The following PSME4 variants were observed in gnomAD, a reference collection of about 807,000 sequenced individuals.
PSME4 encodes the protein proteasome activator subunit 4.
Under a neutral mutation model 253.9 loss-of-function variants are expected in PSME4, and 89 were observed. That is an observed-to-expected ratio of 0.35 (90% confidence interval 0.30 to 0.42). The LOEUF (loss-of-function observed/expected upper bound fraction) is 0.42. Among genes scored for constraint, PSME4 ranks in the 10% least tolerant of loss-of-function variants. PSME4 has a pLI of 1.00. For missense variants in PSME4, 2,014 were observed against 2,195.2 expected, an observed-to-expected ratio of 0.92 and a Z score of 1.65; for synonymous variants, 851 against 759.2, an observed-to-expected ratio of 1.12 and a Z score of -1.99.
chr2:53,953,138 G>C (rs935639163), intron 1 of PSME4, among the ~76,000 whole-genome samples: 2 of 152,150 alleles, frequency 1.3e-5, no homozygotes, highest in Non-Finnish European at 2.9e-5. Context: ...CAACCAGCAA[G>C]TGGTTCTTAT....
At chr2:53,927,640 G>A (rs1319745527) in intron 11 of PSME4, among the ~76,000 whole-genome samples, 157 bp from the exon 12 acceptor site, 2 of 152,170 alleles carry the variant, frequency 1.3e-5, no homozygotes, top group African/African-American at 4.8e-5. Flanking sequence ...AACACTGTAA[G>A]GTTCTTCATA....
At chr2:53,961,906 C>A (rs1046118576) in intron 1 of PSME4, among the ~76,000 whole-genome samples, 1 of 152,174 alleles carries the variant, frequency 6.6e-6, no homozygotes, top group Non-Finnish European at 1.5e-5. Flanking sequence ...CTTGCTAGAA[C>A]GGGACCTCAC....
intron 19 of PSME4, 142 bp downstream of exon 19, chr2:53,920,051 T>C: frequency 4.0e-6 from 3 of 758,118 alleles, no homozygotes; most frequent in African/African-American, 1.7e-5. Context: ...TACAACATTA[T>C]ATTAAATGAT....
intron 10 of PSME4, among the ~76,000 whole-genome samples, chr2:53,930,869 T>C (rs1558694927): frequency 6.6e-6 from 1 of 152,206 alleles, no homozygotes; most frequent in South Asian, 2.1e-4. Flanking sequence ...CTCCTCTATA[T>C]TTGACAAAAA....
At position 53,921,113 on chromosome 2, in the gene PSME4, A is replaced by C; in HGVS notation, c.2047-9T>G. 6.2e-7 allele frequency: 1 copy of C among 1,612,842 alleles called. No individual in the cohort carries two copies. The highest frequency in any genetic ancestry group is 8.5e-7 in the Non-Finnish European group (1 of 1,179,842). On this transcript the variant is annotated splice_polypyrimidine_tract_variant and intron_variant, in intron 17 of 46. Coordinates refer to ENST00000404125, the MANE Select transcript of PSME4 (RefSeq NM_014614.3). ...CCATCCACTCGAGTAATCTAAAAGG[A>C]GGGAAAAAATAGTTGAAGATATTTT...
intron 25 of PSME4, 51 bp from the exon 26 acceptor site, chr2:53,906,744 C>G (rs769746601): frequency 6.3e-7 from 1 of 1,599,296 alleles, no homozygotes; most frequent in Non-Finnish European, 8.5e-7. Context: ...GAAAACAAAA[C>G]TAAATACTCA....
rs1302204362 is a variant in PSME4, at chr2:53,929,467, A to AT, written c.1317-1165dup. On this transcript the variant is annotated intron_variant, in intron 10 of 46. Coordinates refer to ENST00000404125, the MANE Select transcript of PSME4 (RefSeq NM_014614.3). ...GTTACCACTCCCGGCTAACTTTTGT[A>AT]TTTTTTTTGTAGTGACAGAGTTTTG... Among the ~76,000 whole-genome samples the AT allele has an allele frequency of 3.3e-5, 5 of 151,650 alleles. No homozygotes were observed. In the South Asian group the frequency reaches 6.2e-4, roughly 19 times the overall value.
chr2:53,896,826 C>T lies in PSME4; in HGVS notation c.3666G>A (p.Leu1222=). The change falls in exon 32 of 47, where the codon CTG becomes CTA. Residue 1222 remains leucine (L), a synonymous_variant. Coordinates refer to ENST00000404125, the MANE Select transcript of PSME4 (RefSeq NM_014614.3). ...CACTGATTTCACAGGGGTTAATGGT[C>T]AGCTTTTTGTGGGTTCTTTTTAGCT... ...LKQLKRTHKK[L]TINPCEISGC... is the part of the protein sequence containing the mutation. 3.1e-6 allele frequency: 5 copies of T among 1,610,436 alleles called. No individual in the cohort carries two copies. The highest frequency in any genetic ancestry group is 4.2e-6 in the Non-Finnish European group (5 of 1,176,708).
chr2:53,966,411 G>A (rs1247361474), intron 1 of PSME4, among the ~76,000 whole-genome samples: 6 of 152,086 alleles, frequency 3.9e-5, no homozygotes, highest in South Asian at 4.2e-4. Flanking sequence ...CCCATAATCC[G>A]AACACTTTGG....
At chr2:53,903,080 T>C (rs756244974) in intron 27 of PSME4, among the ~76,000 whole-genome samples, 6 of 152,000 alleles carry the variant, frequency 3.9e-5, no homozygotes, top group Non-Finnish European at 8.8e-5. Context: ...TCTAAAGGAG[T>C]TTCTCAACAT....
chr2:53,961,311 A>T (rs1383476333), intron 1 of PSME4, among the ~76,000 whole-genome samples: 1 of 152,182 alleles, frequency 6.6e-6, no homozygotes, highest in East Asian at 1.9e-4. Context: ...ATAGAATGAG[A>T]TTTTGATCTA....
intron 5 of PSME4, 79 bp from the exon 6 acceptor site, chr2:53,936,906 A>C (rs866262428): frequency 2.1e-6 from 2 of 968,580 alleles, no homozygotes; most frequent in South Asian, 3.2e-5. Context: ...TCTTTTTTAT[A>C]ATCTATTATT....
chr2:53,953,683 T>C (rs945690390), intron 1 of PSME4, among the ~76,000 whole-genome samples: 2 of 151,952 alleles, frequency 1.3e-5, no homozygotes, highest in African/African-American at 4.8e-5. Flanking sequence ...TTTAGACTAC[T>C]CTGGTTTGAC....
At chr2:53,866,688 T>C in intron 45 of PSME4, 59 bp downstream of exon 45, 1 of 1,535,598 alleles carries the variant, frequency 6.5e-7, no homozygotes, top group Non-Finnish European at 8.9e-7. Context: ...ATTATTATTA[T>C]GGTTTCTTAG....
At chr2:53,952,608 G>A (rs1037149923) in intron 1 of PSME4, among the ~76,000 whole-genome samples, 1 of 152,132 alleles carries the variant, frequency 6.6e-6, no homozygotes, top group African/African-American at 2.4e-5. Context: ...CTGTGGTTAG[G>A]ATACTTCTGC....
intron 43 of PSME4, among the ~76,000 whole-genome samples, chr2:53,871,719 C>T (rs952688493): frequency 7.9e-5 from 12 of 151,748 alleles, no homozygotes; most frequent in African/African-American, 2.2e-4. Flanking sequence ...TTTTTAAAGC[C>T]GGAGGTGGTG....
intron 41 of PSME4, among the ~76,000 whole-genome samples, chr2:53,883,048 CAT>C (rs1413555793): frequency 6.6e-6 from 1 of 151,980 alleles, no homozygotes; most frequent in Non-Finnish European, 1.5e-5. Context: ...AAAAAAGATA[CAT>C]ATAAGAAAGG....
chr2:53,901,268 G>C, intron 28 of PSME4, 82 bp downstream of exon 28: 1 of 1,288,730 alleles, frequency 7.8e-7, no homozygotes, highest in Non-Finnish European at 1.1e-6. Context: ...ATTATTACTG[G>C]AAAAAGGGCA....
Position 53,892,884 on chromosome 2 carries a change from T to G in PSME4, c.4115A>C (p.His1372Pro). ...PHLEHLVADSHESTQRCVAEI... is the reference protein window; with the variant it reads ...PHLEHLVADSPESTQRCVAEI... ...TGCAACACATCGCTGGGTGCTTTCA[T>G]GTGAATCTGCAACCAAATGTTCTAA... Residue 1372 changes from histidine (H) to proline (P), a missense_variant, in exon 36 of 47, where the codon CAT becomes CCT. By Grantham distance (77) the His-to-Pro change is moderately conservative. This residue lies in a region of PSME4 where 989 missense variants were observed against 1,021.1 expected (regional missense o/e 0.97). Transcript: ENST00000404125. 2 of 1,613,906 alleles carry G rather than the reference T, an allele frequency of 1.2e-6. No individual in the cohort carries two copies. Among genetic ancestry groups the G allele is most frequent in the East Asian group, 2.2e-5 (1 of 44,852 alleles).
Sources: allele counts gnomAD v4.1 joint callset (sites outside exome capture counted in the v4.1 genomes callset), GRCh38; gene constraint gnomAD v4.1.1; regional missense constraint gnomAD v4.1.1; transcripts MANE v1.5; gene names NCBI Gene and HGNC (gene_info 2026-07-23, HGNC 2026-07-21).